CXADR: variants seen among roughly 807,000 people sequenced by gnomAD.
CXADR encodes the protein coxsackievirus and adenovirus receptor.
Under a neutral mutation model 40.3 loss-of-function variants are expected in CXADR, and 20 were observed. The observed-to-expected ratio is 0.50, with a 90% CI of 0.35 to 0.72. The LOEUF is 0.72. CXADR is among the 30% of genes least tolerant of loss of function. The pLI, the probability that CXADR is intolerant of heterozygous loss-of-function variation, is 0.01. For synonymous variants in CXADR, 150 were observed against 161.3 expected (o/e 0.93, Z 0.53); for missense variants, 332 against 449.1 (o/e 0.74, Z 2.36).
chr21:17,605,528 T>C, the CXADR span, among the ~76,000 whole-genome samples: 23 of 152,188 alleles, frequency 1.5e-4, no homozygotes, highest in Non-Finnish European at 3.2e-4. Flanking sequence ...AGGACACAGA[T>C]TCATTCATAT....
At chr21:17,578,824 C>CA (rs1381817229) in intron 7 of CXADR, among the ~76,000 whole-genome samples, 2 of 151,988 alleles carry the variant, frequency 1.3e-5, no homozygotes, top group South Asian at 2.1e-4. Context: ...ACCTTGTCTT[C>CA]AAAAAAATTA....
At chr21:17,546,984 G>C in intron 1 of CXADR, 43 bp from the exon 2 acceptor site, 1 of 1,605,478 alleles carries the variant, frequency 6.2e-7, no homozygotes, top group South Asian at 1.1e-5. Flanking sequence ...TGGGCTGTCA[G>C]CGTATAGCAA....
intron 7 of CXADR, among the ~76,000 whole-genome samples, chr21:17,575,862 T>G (rs1436185105): frequency 6.6e-6 from 1 of 151,102 alleles, no homozygotes; most frequent in Non-Finnish European, 1.5e-5. Flanking sequence ...CCGAGGCTGG[T>G]GGATCACCTG....
At chr21:17,602,848 T>A in the CXADR span, among the ~76,000 whole-genome samples, 1 of 152,360 alleles carries the variant, frequency 6.6e-6, no homozygotes, top group Non-Finnish European at 1.5e-5. Flanking sequence ...TTTAAATACA[T>A]AGGTCCAAAA....
At chr21:17,590,947 T>C (rs1406084447) in intron 7 of CXADR, among the ~76,000 whole-genome samples, 1 of 152,086 alleles carries the variant, frequency 6.6e-6, no homozygotes, top group Non-Finnish European at 1.5e-5. Context: ...TCTTCAGATA[T>C]ATCTGAGTAG....
At chr21:17,562,312 GT>G (rs1265418118) in intron 6 of CXADR, among the ~76,000 whole-genome samples, 1 of 148,390 alleles carries the variant, frequency 6.7e-6, no homozygotes, top group African/African-American at 2.6e-5. Context: ...TTCTTTGGTT[GT>G]TGGGTTTTTT....
intron 1 of CXADR, among the ~76,000 whole-genome samples, chr21:17,530,224 C>G (rs139973054): frequency 0.015 from 2,288 of 151,370 alleles, 58 homozygotes; most frequent in African/African-American, 0.052. Context: ...CTCGGCCTCC[C>G]AAAGTGCTGG....
intron 1 of CXADR, among the ~76,000 whole-genome samples, chr21:17,517,035 C>G (rs1457094070): frequency 4.0e-5 from 6 of 151,696 alleles, no homozygotes; most frequent in Non-Finnish European, 8.8e-5. Flanking sequence ...GCCTTCATGT[C>G]TGTAGATCTC....
chr21:17,618,980 A>G, the CXADR span, among the ~76,000 whole-genome samples: 3 of 152,222 alleles, frequency 2.0e-5, no homozygotes, highest in Non-Finnish European at 4.4e-5. Flanking sequence ...GACTAGGTAA[A>G]TTGTCAATGA....
the CXADR span, among the ~76,000 whole-genome samples, chr21:17,627,671 A>C: frequency 6.6e-6 from 1 of 152,328 alleles, no homozygotes; most frequent in South Asian, 2.1e-4. Context: ...CCAGAGCAAA[A>C]GGAGTAGATA....
chr21:17,522,495 T>TACTG (rs2060544745), intron 1 of CXADR, among the ~76,000 whole-genome samples: 2 of 152,200 alleles, frequency 1.3e-5, no homozygotes, highest in South Asian at 4.1e-4. Context: ...AGCCTGCATG[T>TACTG]ACTGACTGCA....
downstream of CXADR, among the ~76,000 whole-genome samples, chr21:17,596,594 A>G (rs1415185143): frequency 1.3e-5 from 2 of 152,028 alleles, no homozygotes; most frequent in African/African-American, 4.8e-5. Flanking sequence ...AAAAAAGACT[A>G]ACTGTATGTA....
At chr21:17,587,259 T>TGGGA (rs1452474893) in intron 7 of CXADR, among the ~76,000 whole-genome samples, 1 of 152,176 alleles carries the variant, frequency 6.6e-6, no homozygotes, top group East Asian at 1.9e-4. Context: ...TACCCAGTAA[T>TGGGA]GGGATGGCTG....
At chr21:17,554,931 A>G (rs2061014899) in intron 3 of CXADR, among the ~76,000 whole-genome samples, 1 of 152,112 alleles carries the variant, frequency 6.6e-6, no homozygotes, top group African/African-American at 2.4e-5. Flanking sequence ...CTTGTGTGTT[A>G]TGTGGCCGTT....
chr21:17,518,639 A>G lies in CXADR; in HGVS notation c.43+5467A>G, dbSNP rs1472623862. On this transcript the variant is annotated intron_variant, in intron 1 of 6. Coordinates refer to ENST00000284878, the MANE Select transcript of CXADR (RefSeq NM_001338.5). Reference sequence around the variant, plus strand: ...TTACTGTCCAAGACTTGCCGTGGGAACTGTTCAGCTAACTTCCTAAGGCTT... The same window carrying G: ...TTACTGTCCAAGACTTGCCGTGGGAGCTGTTCAGCTAACTTCCTAAGGCTT... The G allele has an allele frequency of 3.8e-6, 6 of 1,599,594 alleles. No homozygotes were observed. In the African/African-American group the frequency reaches 4.0e-5, roughly 11 times the overall value.
chr21:17,518,693 A>G, intron 1 of CXADR: 1 of 1,609,320 alleles, frequency 6.2e-7, no homozygotes, highest in East Asian at 2.2e-5. Flanking sequence ...AGCTGACTTA[A>G]TATTCCAGGT....
the CXADR span, among the ~76,000 whole-genome samples, chr21:17,620,910 C>G: frequency 6.6e-6 from 1 of 152,202 alleles, no homozygotes; most frequent in Non-Finnish European, 1.5e-5. Flanking sequence ...GGCAAGCTGG[C>G]AGGCTGGTAA....
intron 1 of CXADR, among the ~76,000 whole-genome samples, chr21:17,513,517 C>T (rs947421405): frequency 2.6e-5 from 4 of 152,232 alleles, no homozygotes; most frequent in African/African-American, 4.8e-5. Flanking sequence ...TTGCTCTCGC[C>T]GTCTCCCTTG....
chr21:17,617,226 T>C, the CXADR span, among the ~76,000 whole-genome samples: 1 of 152,248 alleles, frequency 6.6e-6, no homozygotes, highest in African/African-American at 2.4e-5. Flanking sequence ...GGCCAGACAC[T>C]CTATGCTTAG....
Sources: gnomAD v4.1 joint callset for allele counts (sites outside exome capture counted in the v4.1 genomes callset) on GRCh38, gnomAD v4.1.1 for gene constraint, MANE v1.5 for transcripts, NCBI Gene and HGNC (gene_info 2026-07-23, HGNC 2026-07-21) for gene names.